Variants in AADAT observed in about 807,000 individuals in gnomAD.
AADAT encodes the protein kynurenine/alpha-aminoadipate aminotransferase, mitochondrial.
In AADAT, 25 loss-of-function variants were observed where a neutral mutation model predicts 56.2. The ratio of observed to expected loss-of-function variants is 0.44; its 90% confidence interval spans 0.32 to 0.62. The LOEUF is 0.62. AADAT is among the 20% of genes least tolerant of loss of function. AADAT has a pLI of 0.04. For synonymous variants in AADAT, 173 were observed against 164.7 expected, an observed-to-expected ratio of 1.05 and a Z score of -0.39; for missense variants, 387 against 510.5, an observed-to-expected ratio of 0.76 and a Z score of 2.33.
intron 2 of AADAT, 25 bp downstream of exon 2, chr4:170,088,371 A>G: frequency 6.5e-7 from 1 of 1,542,874 alleles, no homozygotes; most frequent in Non-Finnish European, 8.8e-7. Context: ...AAGCCAATAA[A>G]ATTATGTTAA....
intron 5 of AADAT, among the ~76,000 whole-genome samples, chr4:170,071,912 G>A (rs749023473): frequency 3.3e-5 from 5 of 152,182 alleles, no homozygotes; most frequent in Non-Finnish European, 7.3e-5. Flanking sequence ...TCTTTATGGA[G>A]ATGGAGAATG....
chr4:170,073,228 T>C lies in AADAT; in HGVS notation c.562A>G (p.Lys188Glu). 1 of 1,614,166 alleles carries C rather than the reference T, an allele frequency of 6.2e-7. No individual in the cohort carries two copies. Among genetic ancestry groups the C allele is most frequent in the Non-Finnish European group, 8.5e-7 (1 of 1,180,024 alleles). ...GTATAAAGAAATTTGGGGGTGTTTT[T>C]CTGGGGATTCTTTGCATCTTCTGGT... is the stretch of plus-strand genomic sequence containing the variant. Reference protein sequence around the residue: ...WKPEDAKNPQKNTPKFLYTVP... With the variant: ...WKPEDAKNPQENTPKFLYTVP... Residue 188 changes from lysine (K) to glutamate (E), a missense_variant, in exon 5 of 13, where the codon AAA becomes GAA. Physicochemically the swap from Lys to Glu is moderately conservative, Grantham distance 56. Coordinates refer to ENST00000337664, the MANE Select transcript of AADAT (RefSeq NM_016228.4).
chr4:170,090,190 T>TAGGCGCCGGCCCAGAGGCTAGCCC (rs1387118732), upstream of AADAT: 1 of 152,264 alleles, frequency 6.6e-6, no homozygotes, highest in African/African-American at 2.4e-5. Flanking sequence ...TTGGCCGGCC[T>TAGGCGCCGGCCCAGAGGCTAGCCC]AGGCGCCGGC....
rs142297587 is a variant in AADAT, at chr4:170,086,953, T to A, written c.369+163A>T. Among the ~76,000 whole-genome samples, 69 of 144,420 alleles carry A rather than the reference T, an allele frequency of 4.8e-4. 1 individual carries two copies. The East Asian group carries it at 0.014, about 30-fold the overall frequency. The allele number at this position is 144,420 out of a possible 152,430, so 94.7% of individuals were successfully genotyped here. ...CCGGCCACAACTGCTCCCACCCCCATCCTATGACTTGTCTTTTAGTTCCCT... is the reference window on the plus strand; with the variant it reads ...CCGGCCACAACTGCTCCCACCCCCAACCTATGACTTGTCTTTTAGTTCCCT... On this transcript the variant is annotated intron_variant, in intron 3 of 12. Transcript: ENST00000337664.
intron 3 of AADAT, among the ~76,000 whole-genome samples, chr4:170,086,175 G>C (rs780723254): frequency 6.6e-5 from 10 of 152,080 alleles, no homozygotes; most frequent in Non-Finnish European, 1.3e-4. Flanking sequence ...AGCCCAGGGA[G>C]GTCGAGACTG....
At chr4:170,082,833 G>C (rs1030897184) in intron 3 of AADAT, among the ~76,000 whole-genome samples, 1 of 151,350 alleles carries the variant, frequency 6.6e-6, no homozygotes, top group Non-Finnish European at 1.5e-5. Context: ...AAACAAAGAA[G>C]GTCACTATAT....
In AADAT at chr4:170,088,476, T is replaced by G; in HGVS notation, c.156A>C (p.Val52=). The part of the protein sequence containing the change: ...NPNMFPFKTA[V]ITVENGKTIQ... The stretch of plus-strand genomic sequence containing the variant: ...TGGTCTTTCCATTTTCTACAGTGAT[T>G]ACGGCAGTCTTAAAAGGAAACATGT... The change falls in exon 2 of 13, where the codon GTA becomes GTC. Residue 52 remains valine, a synonymous_variant. Coordinates refer to ENST00000337664, the MANE Select transcript of AADAT (RefSeq NM_016228.4). The G allele has an allele frequency of 6.2e-7, 1 of 1,613,936 alleles. No individual in the cohort carries two copies. The highest frequency in any genetic ancestry group is 8.5e-7 in the Non-Finnish European group (1 of 1,179,842).
At chr4:170,082,609 C>G (rs1451547315) in intron 3 of AADAT, among the ~76,000 whole-genome samples, 1 of 152,080 alleles carries the variant, frequency 6.6e-6, no homozygotes, top group Non-Finnish European at 1.5e-5. Context: ...TGGAAATGGT[C>G]TACATTCTCC....
At chr4:170,092,165 G>A (rs1581605554), upstream of AADAT, among the ~76,000 whole-genome samples, 1 of 152,230 alleles carries the variant, frequency 6.6e-6, no homozygotes, top group African/African-American at 2.4e-5. Flanking sequence ...AGCCACCAGC[G>A]GTAACCCGCT....
At chr4:170,074,903 TG>T (rs1159458189) in intron 4 of AADAT, among the ~76,000 whole-genome samples, 3 of 152,258 alleles carry the variant, frequency 2.0e-5, no homozygotes, top group African/African-American at 7.2e-5. Context: ...AAATAATAAT[TG>T]AATGAGGTTC....
intron 3 of AADAT, among the ~76,000 whole-genome samples, chr4:170,079,424 A>G (rs1732187397): frequency 6.6e-6 from 1 of 152,160 alleles, no homozygotes. Flanking sequence ...ACATGATTAG[A>G]TACTCGTCTT....
chr4:170,064,563 C>A (rs528671363), intron 11 of AADAT, among the ~76,000 whole-genome samples, 156 bp downstream of exon 11: 2 of 152,256 alleles, frequency 1.3e-5, no homozygotes, highest in African/African-American at 4.8e-5. Context: ...AAACCTCTTA[C>A]GATTTTGATA....
At chr4:170,071,138 C>G (rs1374305568) in intron 5 of AADAT, among the ~76,000 whole-genome samples, 1 of 152,194 alleles carries the variant, frequency 6.6e-6, no homozygotes, top group Admixed American at 6.5e-5. Flanking sequence ...GTCTCAAACT[C>G]CTGACCTCAA....
rs1260808302 is a variant in AADAT at position 170,073,102 on chromosome 4, A to G, written c.654+34T>C. The G allele has an allele frequency of 5.0e-6, 8 of 1,597,664 alleles. No homozygotes were observed. In the African/African-American group the frequency reaches 1.1e-4, roughly 22 times the overall value. Reference sequence around the variant, plus strand: ...TTCTAAAAAGTCACAGAGAAACAGGAACACAACTACTTTAACCCATTCTTC... The same window carrying G: ...TTCTAAAAAGTCACAGAGAAACAGGGACACAACTACTTTAACCCATTCTTC... On this transcript the variant is annotated intron_variant, in intron 5 of 12. Transcript: ENST00000337664.
intron 5 of AADAT, among the ~76,000 whole-genome samples, 180 bp downstream of exon 5, chr4:170,072,956 G>A (rs964335745): frequency 6.6e-6 from 1 of 152,112 alleles, no homozygotes; most frequent in Non-Finnish European, 1.5e-5. Context: ...ACTAATGAAA[G>A]ATGCAGAAAT....
chr4:170,084,636 C>T (rs1480803537), intron 3 of AADAT, among the ~76,000 whole-genome samples: 4 of 152,096 alleles, frequency 2.6e-5, no homozygotes, highest in Non-Finnish European at 5.9e-5. Context: ...TTTAACAACC[C>T]ACATCTCACC....
At chr4:170,073,915 C>T (rs963660) in intron 4 of AADAT, among the ~76,000 whole-genome samples, 16,402 of 146,732 alleles carry the variant, frequency 0.11, 1,441 homozygotes, top group East Asian at 0.45. Flanking sequence ...GCAACAAATT[C>T]GGGGCAGAAG....
chr4:170,066,100 G>C (rs1362871023), intron 10 of AADAT, among the ~76,000 whole-genome samples: 1 of 151,842 alleles, frequency 6.6e-6, no homozygotes, highest in African/African-American at 2.4e-5. Flanking sequence ...TTACCCTTTG[G>C]GGTAAAATTC....
At chr4:170,061,058 T>A in intron 12 of AADAT, 89 bp from the exon 13 acceptor site, 3 of 983,328 alleles carry the variant, frequency 3.1e-6, no homozygotes, top group South Asian at 1.8e-5. Flanking sequence ...AAACAAAGAG[T>A]ATCTGTCTAA....
Sources: gnomAD v4.1 joint callset for allele counts (sites outside exome capture counted in the v4.1 genomes callset) on GRCh38, gnomAD v4.1.1 for gene constraint, MANE v1.5 for transcripts, NCBI Gene and HGNC (gene_info 2026-07-23, HGNC 2026-07-21) for gene names.